DDX6: variants seen among roughly 807,000 people sequenced by gnomAD.
The protein encoded by DDX6 is probable ATP-dependent RNA helicase DDX6.
DDX6 carries 7 observed loss-of-function variants against 60.6 expected under a neutral mutation model. That is an observed-to-expected ratio of 0.12 (90% confidence interval 0.07 to 0.22). The LOEUF (loss-of-function observed/expected upper bound fraction) is 0.22. DDX6 is among the 10% of genes least tolerant of loss of function. DDX6 has a pLI of 1.00. For synonymous variants in DDX6, 207 were observed against 201.0 expected, an observed-to-expected ratio of 1.03 and a Z score of -0.25; for missense variants, 270 against 589.9, an observed-to-expected ratio of 0.46 and a Z score of 5.62.
At chr11:118,753,326 G>A (rs1222298087) in intron 13 of DDX6, among the ~76,000 whole-genome samples, 19 of 141,568 alleles carry the variant, frequency 1.3e-4, no homozygotes, top group African/African-American at 5.0e-4. Context: ...CACTGAGCCA[G>A]CCCAAGTGGC....
intron 3 of DDX6, among the ~76,000 whole-genome samples, chr11:118,780,430 G>A (rs781841389): frequency 4.6e-5 from 7 of 152,086 alleles, no homozygotes; most frequent in African/African-American, 7.2e-5. Context: ...TAATTCTCCT[G>A]TCTCAGCCTC....
At chr11:118,786,765 G>GACT (rs1862087552) in intron 1 of DDX6, 1 of 154,498 alleles carries the variant, frequency 6.5e-6, no homozygotes, top group Non-Finnish European at 1.4e-5. Flanking sequence ...AGTAGAAAGA[G>GACT]ACTAGTAAAT....
Position 118,760,013 on chromosome 11 carries a change from T to C in DDX6, c.773A>G (p.Gln258Arg). ...CGTGAGAATAATATCCTCCATTATC[T>C]GCACAAAATCCTGTGACAGCAACTT... The part of the protein sequence containing the change: ...ADKLLSQDFV[Q>R]IMEDIILTLP... The change falls in exon 8 of 14, where the codon CAG becomes CGG. Residue 258 changes from glutamine to arginine, a missense_variant. This residue lies in a region of DDX6 where 69 missense variants were observed against 208.2 expected (regional missense o/e 0.33). Transcript: ENST00000534980. 6.2e-7 allele frequency: 1 copy of C among 1,612,656 alleles called. No homozygotes were observed. The highest frequency in any genetic ancestry group is 8.5e-7 in the Non-Finnish European group (1 of 1,179,540).
rs3825057 is a variant in DDX6 at position 118,752,276 on chromosome 11, T to C, written c.*8-179A>G. The stretch of plus-strand genomic sequence containing the variant: ...TTCTGGTAGGCAACCCTGAGATAGA[T>C]TGGGGGCCTGAATGAATGTGAATGT... On this transcript the variant is annotated intron_variant, in intron 13 of 13. Coordinates refer to ENST00000534980, the MANE Select transcript of DDX6 (RefSeq NM_004397.6). Among the ~76,000 whole-genome samples the C allele has an allele frequency of 0.22, 34,154 of 152,068 alleles. 3,959 individuals carry two copies. Among genetic ancestry groups the C allele is most frequent in the South Asian group, 0.33 (1,570 of 4,814 alleles).
intron 4 of DDX6, among the ~76,000 whole-genome samples, chr11:118,772,467 A>G (rs372098776): frequency 6.6e-6 from 1 of 152,236 alleles, no homozygotes; most frequent in Non-Finnish European, 1.5e-5. Flanking sequence ...AGAATGACAG[A>G]AAGTATACCA....
At chr11:118,759,833 T>C (rs1861106458) in intron 8 of DDX6, 89 bp downstream of exon 8, 1 of 1,365,324 alleles carries the variant, frequency 7.3e-7, no homozygotes, top group African/African-American at 1.5e-5. Context: ...GCATAAAGTA[T>C]ATTCACAGAT....
Position 118,756,264 on chromosome 11 carries a change from G to A in DDX6, c.1170C>T (p.Cys390=), listed in dbSNP as rs1860973793. ...AGGAAATACAAAAATACTTACCAGT[G>A]CAAACAAGATTGCGGCATAAGCCAT... ...FRNGLCRNLV[C]TDLFTRGIDI... is the part of the protein sequence containing the mutation. The change falls in exon 11 of 14, where the codon TGC becomes TGT. Residue 390 remains cysteine, a synonymous_variant. Transcript: ENST00000534980. 3.1e-6 allele frequency: 5 copies of A among 1,612,790 alleles called. No homozygotes were observed. In the East Asian group the frequency reaches 8.9e-5, roughly 29 times the overall value.
chr11:118,788,544 T>A (rs1862156924), intron 1 of DDX6: 1 of 151,858 alleles, frequency 6.6e-6, no homozygotes. Flanking sequence ...ATTACGGGCA[T>A]GCGCCACCAT....
chr11:118,765,495 T>G (rs1179661963), intron 5 of DDX6, 140 bp from the exon 6 acceptor site: 1 of 868,056 alleles, frequency 1.2e-6, no homozygotes, highest in Non-Finnish European at 1.8e-6. Flanking sequence ...AACTGCACCT[T>G]ATGATGCAGT....
At chr11:118,781,048 G>C in intron 3 of DDX6, 73 bp downstream of exon 3, 1 of 1,018,106 alleles carries the variant, frequency 9.8e-7, no homozygotes, top group Non-Finnish European at 1.5e-6. Flanking sequence ...ATTCCCTCCA[G>C]ATACCGAGGG....
intron 5 of DDX6, among the ~76,000 whole-genome samples, chr11:118,766,786 C>T (rs185095573): frequency 8.6e-4 from 131 of 151,512 alleles, no homozygotes; most frequent in African/African-American, 3.1e-3. Flanking sequence ...ATCATGTTGG[C>T]CCAGCTGGTC....
chr11:118,776,748 G>A (rs1271286981), intron 4 of DDX6, among the ~76,000 whole-genome samples: 8 of 151,572 alleles, frequency 5.3e-5, no homozygotes, highest in Non-Finnish European at 1.2e-4. Context: ...CAGGGGAATC[G>A]CGTGAACCCA....
At position 118,786,484 on chromosome 11, in the gene DDX6, A is replaced by G. The variant is rs1862078170; in HGVS notation, c.-233T>C. 5.8e-6 allele frequency: 2 copies of G among 345,900 alleles called. No homozygotes were observed. Among genetic ancestry groups the G allele is most frequent in the Non-Finnish European group, 1.0e-5 (2 of 192,632 alleles). 21.4% of individuals were successfully genotyped at this position (345,900 alleles called of 1,614,324 possible). A position where few individuals can be genotyped will look rare whatever the true frequency, so the allele number is the denominator to read the frequency against. Reference sequence around the variant, plus strand: ...TTTTATTTTTAAAAAGCCCTCTAACAAGCTTGAGTTATATCTGAATTCACT... The same window carrying G: ...TTTTATTTTTAAAAAGCCCTCTAACGAGCTTGAGTTATATCTGAATTCACT... On this transcript the variant is annotated 5_prime_UTR_variant, in exon 2 of 14. Coordinates refer to ENST00000534980, the MANE Select transcript of DDX6 (RefSeq NM_004397.6).
At chr11:118,774,890 T>C (rs535546745) in intron 4 of DDX6, among the ~76,000 whole-genome samples, 4 of 152,084 alleles carry the variant, frequency 2.6e-5, no homozygotes, top group South Asian at 2.1e-4. Context: ...CTTTTAGGAA[T>C]GGGGGAGGGA....
At chr11:118,774,368 G>T (rs185927244) in intron 4 of DDX6, among the ~76,000 whole-genome samples, 1 of 151,784 alleles carries the variant, frequency 6.6e-6, no homozygotes, top group Non-Finnish European at 1.5e-5. Flanking sequence ...CTAGAAATAC[G>T]TTGTGGGAGC....
At chr11:118,755,192 A>G (rs1386289237) in intron 12 of DDX6, among the ~76,000 whole-genome samples, 3 of 152,220 alleles carry the variant, frequency 2.0e-5, no homozygotes, top group Non-Finnish European at 2.9e-5. Flanking sequence ...CTCATGTGTT[A>G]ATTTCATCTC....
chr11:118,788,469 C>G (rs1862154632), intron 1 of DDX6: 1 of 152,278 alleles, frequency 6.6e-6, no homozygotes. Flanking sequence ...GCGCTCTCAG[C>G]TCACTGCAAG....
intron 1 of DDX6, chr11:118,786,851 A>G (rs1235329319): frequency 6.6e-6 from 1 of 152,284 alleles, no homozygotes. Flanking sequence ...GACATCTCTA[A>G]AAGTCAGTGA....
chr11:118,779,429 G>C (rs952801714), intron 4 of DDX6, among the ~76,000 whole-genome samples: 1 of 152,146 alleles, frequency 6.6e-6, no homozygotes, highest in Non-Finnish European at 1.5e-5. Flanking sequence ...GGTTACGTAA[G>C]AGAATATCCT....
Sources: gnomAD v4.1 joint callset for allele counts (sites outside exome capture counted in the v4.1 genomes callset) on GRCh38, gnomAD v4.1.1 for gene constraint, gnomAD v4.1.1 regional missense constraint, MANE v1.5 for transcripts, NCBI Gene and HGNC (gene_info 2026-07-23, HGNC 2026-07-21) for gene names.